ADGRL3: variants seen among roughly 807,000 people sequenced by gnomAD.
ADGRL3 encodes calcium-independent alpha-latrotoxin receptor 3.
In ADGRL3, 62 loss-of-function variants were observed where a neutral mutation model predicts 153.5. The observed-to-expected ratio is 0.40, with a 90% CI of 0.33 to 0.50. The LOEUF (loss-of-function observed/expected upper bound fraction) is 0.50, where lower values mean the gene tolerates loss of function less well. Among genes scored for constraint, ADGRL3 ranks in the 20% least tolerant of loss-of-function variants. The pLI, the probability that ADGRL3 is intolerant of heterozygous loss-of-function variation, is 0.47. For missense variants in ADGRL3, 1,641 were observed against 1,859.4 expected (o/e 0.88, Z 2.16); for synonymous variants, 710 against 672.5 (o/e 1.06, Z -0.86).
intron 1 of ADGRL3, among the ~76,000 whole-genome samples, chr4:61,349,817 G>T (rs1250739834): frequency 6.6e-6 from 1 of 151,970 alleles, no homozygotes; most frequent in African/African-American, 2.4e-5. Context: ...TCCTAAAATT[G>T]TACCTCGCCC....
chr4:62,025,155 T>C (rs2151431982), intron 21 of ADGRL3, among the ~76,000 whole-genome samples: 1 of 152,260 alleles, frequency 6.6e-6, no homozygotes, highest in Middle Eastern at 3.4e-3. Flanking sequence ...AGATTTTTTT[T>C]CTGCTCACTA....
chr4:61,974,278 A>T (rs1412327147), intron 17 of ADGRL3, among the ~76,000 whole-genome samples: 1 of 152,168 alleles, frequency 6.6e-6, no homozygotes, highest in East Asian at 1.9e-4. Flanking sequence ...CACTATAGGC[A>T]TTTTTATAGC....
At chr4:61,505,941 T>C (rs1437825878) in intron 3 of ADGRL3, among the ~76,000 whole-genome samples, 3 of 152,116 alleles carry the variant, frequency 2.0e-5, no homozygotes, top group Non-Finnish European at 4.4e-5. Flanking sequence ...TCAGGAACTA[T>C]AGAAGATGAT....
chr4:61,232,666 G>A (rs777796241), intron 1 of ADGRL3, among the ~76,000 whole-genome samples: 3 of 151,950 alleles, frequency 2.0e-5, no homozygotes. Flanking sequence ...GGTAATAATA[G>A]CACTTGCTAT....
intron 1 of ADGRL3, among the ~76,000 whole-genome samples, chr4:61,373,645 A>G (rs1309400620): frequency 6.6e-6 from 1 of 152,208 alleles, no homozygotes; most frequent in Non-Finnish European, 1.5e-5. Context: ...AATCATTTTC[A>G]TAGTTTGCTG....
At chr4:61,556,729 A>G (rs2098768847) in intron 4 of ADGRL3, among the ~76,000 whole-genome samples, 1 of 152,218 alleles carries the variant, frequency 6.6e-6, no homozygotes. Context: ...TGGATGTAAA[A>G]TGATAAAAGG....
In ADGRL3 at chr4:61,306,965, A is replaced by G. The variant is rs80181870; in HGVS notation, c.-239-76159A>G. On this transcript the variant is annotated intron_variant, in intron 1 of 26. Coordinates refer to ENST00000683033, the MANE Select transcript of ADGRL3 (RefSeq NM_001387552.1). ...GCTATAAAGCAAAATAAAATGTACT[A>G]TCCTTTTGGATGGGATGAAGAGAAG... Among the ~76,000 whole-genome samples, 1,460 of 152,308 alleles carry G rather than the reference A, an allele frequency of 9.6e-3. 20 individuals are homozygous for G. Among genetic ancestry groups the G allele is most frequent in the Middle Eastern group, 0.034 (10 of 294 alleles).
chr4:61,905,665 C>T (rs570512417), intron 11 of ADGRL3, among the ~76,000 whole-genome samples: 43 of 152,132 alleles, frequency 2.8e-4, no homozygotes, highest in Middle Eastern at 3.4e-3. Flanking sequence ...GAGGTCGAGG[C>T]GGGCAGATGG....
At chr4:61,488,511 G>T (rs1279012121) in intron 2 of ADGRL3, among the ~76,000 whole-genome samples, 1 of 151,944 alleles carries the variant, frequency 6.6e-6, no homozygotes, top group Non-Finnish European at 1.5e-5. Context: ...TTGCAGGGAA[G>T]AAATGAGGGA....
intron 5 of ADGRL3, among the ~76,000 whole-genome samples, chr4:61,613,962 C>T (rs942243865): frequency 1.3e-5 from 2 of 152,008 alleles, no homozygotes; most frequent in Admixed American, 1.3e-4. Context: ...TCAAAGTTGT[C>T]AGTATGAATT....
At chr4:61,604,445 C>G (rs2099024058) in intron 5 of ADGRL3, among the ~76,000 whole-genome samples, 1 of 152,108 alleles carries the variant, frequency 6.6e-6, no homozygotes, top group Non-Finnish European at 1.5e-5. Context: ...TAATATTTTT[C>G]TCTTGGAATG....
intron 10 of ADGRL3, among the ~76,000 whole-genome samples, chr4:61,895,415 G>A (rs1050518034): frequency 3.3e-5 from 5 of 151,780 alleles, no homozygotes; most frequent in Admixed American, 2.0e-4. Context: ...GCGGTGAGCC[G>A]AGATCTTGCC....
chr4:61,407,730 A>G (rs1357669185), intron 2 of ADGRL3, among the ~76,000 whole-genome samples: 4 of 152,292 alleles, frequency 2.6e-5, no homozygotes, highest in Middle Eastern at 6.8e-3. Context: ...TATGAAATGT[A>G]CATACTTTAC....
At chr4:61,253,645 G>A (rs182610114) in intron 1 of ADGRL3, among the ~76,000 whole-genome samples, 1 of 150,914 alleles carries the variant, frequency 6.6e-6, no homozygotes, top group Admixed American at 6.6e-5. Flanking sequence ...GAGCTGACAT[G>A]GACCTATTTT....
intron 1 of ADGRL3, among the ~76,000 whole-genome samples, chr4:61,337,618 CTGTT>C (rs766947185): frequency 2.0e-5 from 3 of 152,102 alleles, no homozygotes; most frequent in Non-Finnish European, 4.4e-5. Context: ...TGTGTTCACT[CTGTT>C]TGTAAAAAAT....
At chr4:61,441,644 C>T (rs559018917) in intron 2 of ADGRL3, among the ~76,000 whole-genome samples, 32 of 152,072 alleles carry the variant, frequency 2.1e-4, no homozygotes, top group Admixed American at 3.3e-4. Context: ...CTTAGCCTCC[C>T]GAGTAGCTGG....
At chr4:61,644,178 CT>C (rs551342917) in intron 5 of ADGRL3, among the ~76,000 whole-genome samples, 1 of 144,076 alleles carries the variant, frequency 6.9e-6, no homozygotes. Flanking sequence ...ATTCTTCTCT[CT>C]TTTTTTCTTT....
intron 2 of ADGRL3, among the ~76,000 whole-genome samples, chr4:61,432,985 T>C (rs932393097): frequency 7.2e-5 from 11 of 152,056 alleles, no homozygotes; most frequent in African/African-American, 2.7e-4. Flanking sequence ...ACATTAAAAC[T>C]GGCAATTCTA....
chr4:62,017,797 A>C (rs2099219525), intron 21 of ADGRL3, among the ~76,000 whole-genome samples: 1 of 152,190 alleles, frequency 6.6e-6, no homozygotes, highest in African/African-American at 2.4e-5. Flanking sequence ...TTCCTTTCTT[A>C]AAGAAATCTT....
Sources: allele counts gnomAD v4.1 joint callset (sites outside exome capture counted in the v4.1 genomes callset), GRCh38; gene constraint gnomAD v4.1.1; transcripts MANE v1.5; gene names NCBI Gene and HGNC (gene_info 2026-07-23, HGNC 2026-07-21).